ENTPD1: variants seen among roughly 807,000 people sequenced by gnomAD.
The protein encoded by ENTPD1 is ectonucleoside triphosphate diphosphohydrolase 1.
In ENTPD1, 33 loss-of-function variants were observed where a neutral mutation model predicts 57.0. The ratio of observed to expected loss-of-function variants is 0.58; its 90% confidence interval spans 0.44 to 0.77. ENTPD1 has a LOEUF of 0.77. Among genes scored for constraint, ENTPD1 ranks in the 30% least tolerant of loss-of-function variants. The pLI, the probability that ENTPD1 is intolerant of heterozygous loss-of-function variation, is 0.00. For synonymous variants in ENTPD1, 202 were observed against 218.8 expected, an observed-to-expected ratio of 0.92 and a Z score of 0.68; for missense variants, 501 against 603.4, an observed-to-expected ratio of 0.83 and a Z score of 1.78.
chr10:95,849,321 A>G (rs1187924043), intron 7 of ENTPD1, among the ~76,000 whole-genome samples: 2 of 152,218 alleles, frequency 1.3e-5, no homozygotes, highest in Non-Finnish European at 2.9e-5. Context: ...ATTATTGACT[A>G]TGCACTATAT....
chr10:95,726,137 G>C (rs1466836872), intron 1 of ENTPD1, among the ~76,000 whole-genome samples: 1 of 152,172 alleles, frequency 6.6e-6, no homozygotes, highest in Non-Finnish European at 1.5e-5. Flanking sequence ...TTTTCAACTT[G>C]TTGTCTGCCT....
At chr10:95,761,156 G>A (rs2098060188) in intron 1 of ENTPD1, among the ~76,000 whole-genome samples, 1 of 152,048 alleles carries the variant, frequency 6.6e-6, no homozygotes, top group Non-Finnish European at 1.5e-5. Context: ...TAAGTACTTC[G>A]GAGGAAGGCC....
At chr10:95,736,001 G>GTTTT (rs35402062) in intron 1 of ENTPD1, among the ~76,000 whole-genome samples, 32 of 134,326 alleles carry the variant, frequency 2.4e-4, no homozygotes, top group Non-Finnish European at 3.1e-4. Flanking sequence ...CATTTTCAAA[G>GTTTT]TTTTTTTTTT....
chr10:95,851,451 T>C (rs1381476560), intron 7 of ENTPD1, among the ~76,000 whole-genome samples: 2 of 152,228 alleles, frequency 1.3e-5, no homozygotes, highest in East Asian at 3.9e-4. Context: ...TAATTATACT[T>C]TAAGTTCTAG....
chr10:95,743,749 C>A (rs972785258), intron 1 of ENTPD1, among the ~76,000 whole-genome samples: 1 of 151,296 alleles, frequency 6.6e-6, no homozygotes, highest in African/African-American at 2.4e-5. Flanking sequence ...TTTGACACAC[C>A]CCATCATTGT....
chr10:95,738,154 G>A (rs776179527), intron 1 of ENTPD1, among the ~76,000 whole-genome samples: 11 of 152,204 alleles, frequency 7.2e-5, no homozygotes, highest in Admixed American at 3.3e-4. Flanking sequence ...AAATGATTGC[G>A]TGAATGATGC....
At chr10:95,842,310 T>C (rs1457573318) in intron 3 of ENTPD1, 34 bp from the exon 4 acceptor site, 1 of 1,588,050 alleles carries the variant, frequency 6.3e-7, no homozygotes, top group South Asian at 1.1e-5. Flanking sequence ...TAATTTTTTT[T>C]TAAAAGATTG....
rs1043860800 is a variant in ENTPD1, at chr10:95,870,163, G to A, written c.*3780G>A. The A allele has an allele frequency of 1.0e-6, 1 of 985,442 alleles. No individual in the cohort carries two copies. Among genetic ancestry groups the A allele is most frequent in the Admixed American group, 6.1e-5 (1 of 16,288 alleles). The allele number at this position is 985,442 out of a possible 1,614,324, so 61.0% of individuals were successfully genotyped here. On this transcript the variant is annotated 3_prime_UTR_variant, in exon 10 of 10. Transcript: ENST00000371205. The stretch of plus-strand genomic sequence containing the variant: ...GCCTTCCCATGAAGATGTGAAGGCA[G>A]GGATGCCTGTTATTCAGTCCAAGAT...
intron 1 of ENTPD1, among the ~76,000 whole-genome samples, chr10:95,793,595 G>A (rs1219335117): frequency 2.0e-5 from 3 of 152,188 alleles, no homozygotes; most frequent in Admixed American, 6.5e-5. Flanking sequence ...CAACTTGTTA[G>A]AAATGCATAT....
chr10:95,695,917 T>C, the ENTPD1 span, among the ~76,000 whole-genome samples: 2 of 152,214 alleles, frequency 1.3e-5, no homozygotes, highest in Non-Finnish European at 2.9e-5. Context: ...TATTTCTTTC[T>C]ATAAAATTTC....
At chr10:95,799,766 C>T (rs1031019469) in intron 1 of ENTPD1, among the ~76,000 whole-genome samples, 13 of 152,220 alleles carry the variant, frequency 8.5e-5, no homozygotes, top group East Asian at 3.9e-4. Flanking sequence ...TGTGTATAAG[C>T]GTTCTTTTTT....
chr10:95,824,285 G>T (rs1033504836), intron 2 of ENTPD1, among the ~76,000 whole-genome samples: 1 of 152,224 alleles, frequency 6.6e-6, no homozygotes, highest in African/African-American at 2.4e-5. Flanking sequence ...GACCATGGAG[G>T]CCTGGGAATA....
At chr10:95,717,337 G>GTT (rs10609572) in intron 1 of ENTPD1, among the ~76,000 whole-genome samples, 32 of 125,936 alleles carry the variant, frequency 2.5e-4, no homozygotes, top group African/African-American at 6.4e-4. Context: ...GATCTGCAGG[G>GTT]TTTTTTTTTT....
intron 4 of ENTPD1, 68 bp from the exon 5 acceptor site, chr10:95,844,408 A>G: frequency 6.2e-7 from 1 of 1,603,528 alleles, no homozygotes; most frequent in Non-Finnish European, 8.5e-7. Flanking sequence ...TGGATGCTGT[A>G]GCTGAAATGG....
intron 1 of ENTPD1, among the ~76,000 whole-genome samples, chr10:95,767,042 G>A (rs2098091365): frequency 6.6e-6 from 1 of 151,736 alleles, no homozygotes; most frequent in African/African-American, 2.4e-5. Flanking sequence ...ACCATACCCA[G>A]CTGATTTTTT....
intron 1 of ENTPD1, among the ~76,000 whole-genome samples, chr10:95,720,796 A>G (rs2097976600): frequency 6.6e-6 from 1 of 152,186 alleles, no homozygotes; most frequent in African/African-American, 2.4e-5. Flanking sequence ...AATCTGCTTT[A>G]AAGTGTCCTT....
At position 95,872,930 on chromosome 10, in the gene ENTPD1, T is replaced by C; in HGVS notation, c.*6547T>C. 1 of 985,470 alleles carries C rather than the reference T, an allele frequency of 1.0e-6. No homozygotes were observed. Among genetic ancestry groups the C allele is most frequent in the South Asian group, 4.7e-5 (1 of 21,292 alleles). The allele number at this position is 985,470 out of a possible 1,614,324, so 61.0% of individuals were successfully genotyped here. A position where few individuals can be genotyped will look rare whatever the true frequency, so the allele number is the denominator to read the frequency against. On this transcript the variant is annotated 3_prime_UTR_variant, in exon 10 of 10. Transcript: ENST00000371205. The stretch of plus-strand genomic sequence containing the variant: ...CCTTTAGTTTCTGTGTAGTTTGCCA[T>C]GCAGCACTTCATTGTACACATTATT...
intron 1 of ENTPD1, among the ~76,000 whole-genome samples, chr10:95,722,262 TG>T (rs571797948): frequency 6.6e-6 from 1 of 151,592 alleles, no homozygotes; most frequent in Non-Finnish European, 1.5e-5. Flanking sequence ...CCAAGTTCAT[TG>T]TTTTTTTGTT....
At chr10:95,789,836 A>G (rs1276179466) in intron 1 of ENTPD1, among the ~76,000 whole-genome samples, 1 of 152,238 alleles carries the variant, frequency 6.6e-6, no homozygotes, top group Non-Finnish European at 1.5e-5. Flanking sequence ...TACATACTAT[A>G]CTACTGTAAT....
Sources: allele counts gnomAD v4.1 joint callset (sites outside exome capture counted in the v4.1 genomes callset), GRCh38; gene constraint gnomAD v4.1.1; transcripts MANE v1.5; gene names NCBI Gene and HGNC (gene_info 2026-07-23, HGNC 2026-07-21).